The following RGS8 variants were observed in gnomAD, a reference collection of about 807,000 sequenced individuals.
The protein encoded by RGS8 is regulator of G protein signaling 8, also known as regulator of G-protein signaling 8.
Under a neutral mutation model 21.7 loss-of-function variants are expected in RGS8, and 8 were observed. The observed-to-expected ratio is 0.37, with a 90% confidence interval of 0.22 to 0.66. The LOEUF (loss-of-function observed/expected upper bound fraction) is 0.66. Among genes scored for constraint, RGS8 ranks in the 30% least tolerant of loss-of-function variants. The probability of loss-of-function intolerance (pLI) is 0.59; values close to 1 mark genes in which losing one functional copy is unlikely to be tolerated. For synonymous variants in RGS8, 80 were observed against 83.6 expected (o/e 0.96, Z 0.24); for missense variants, 157 against 217.9 (o/e 0.72, Z 1.76).
At chr1:182,714,368 C>G in the RGS8 span, 2 of 152,214 alleles carry the variant, frequency 1.3e-5, no homozygotes, top group East Asian at 3.9e-4. Context: ...CACTGTGGAC[C>G]CAAAGCCTGA....
At chr1:182,652,651 G>GT (rs1181791081) in intron 5 of RGS8, among the ~76,000 whole-genome samples, 41 of 152,268 alleles carry the variant, frequency 2.7e-4, no homozygotes, top group African/African-American at 9.9e-4. Flanking sequence ...AGATATAATC[G>GT]TGACTTCACA....
chr1:182,692,924 A>G, the RGS8 span, among the ~76,000 whole-genome samples: 320 of 152,338 alleles, frequency 2.1e-3, no homozygotes, highest in Non-Finnish European at 3.6e-3. Context: ...CTGACTAACC[A>G]TATACAGAAG....
upstream of RGS8, among the ~76,000 whole-genome samples, chr1:182,673,782 G>A (rs1167210730): frequency 2.0e-5 from 3 of 151,972 alleles, no homozygotes; most frequent in Non-Finnish European, 2.9e-5. Context: ...CTTGGTACAC[G>A]GCACCATAAG....
chr1:182,738,901 A>G, the RGS8 span, among the ~76,000 whole-genome samples: 1 of 152,212 alleles, frequency 6.6e-6, no homozygotes, highest in Non-Finnish European at 1.5e-5. Flanking sequence ...TTGCAGGGCA[A>G]GAGGATGAAG....
rs116160817 is a variant in RGS8, at chr1:182,650,206, G to A, written c.194-1903C>T. 1.8e-3 allele frequency among the ~76,000 whole-genome samples: 280 copies of A among 152,180 alleles called. 1 individual carries two copies. Among genetic ancestry groups the A allele is most frequent in the African/African-American group, 6.6e-3 (272 of 41,518 alleles). On this transcript the variant is annotated intron_variant, in intron 5 of 6. Coordinates refer to ENST00000483095, the Ensembl canonical transcript of RGS8. ...ATTACAGGCGTGAGCCACCACGCCC[G>A]GCCAACAACTCTTAATTCTAGGTGA... is the stretch of plus-strand genomic sequence containing the variant.
chr1:182,696,918 A>G, the RGS8 span, among the ~76,000 whole-genome samples: 2 of 152,170 alleles, frequency 1.3e-5, no homozygotes, highest in Non-Finnish European at 2.9e-5. Flanking sequence ...TGTGCCTGAC[A>G]TTGGGCTGTC....
chr1:182,671,805 G>A lies in RGS8; in HGVS notation c.-178+44C>T, dbSNP rs932553643. The A allele has an allele frequency of 1.2e-5, 19 of 1,604,404 alleles. No individual in the cohort carries two copies. The African/African-American group carries it at 2.4e-4, about 20-fold the overall frequency. ...AAGGGCATGTGTGCATGAACACATA[G>A]GGGCACACACACACATATACACACA... On this transcript the variant is annotated intron_variant, in intron 1 of 6. Transcript: ENST00000483095.
At chr1:182,648,221 G>A in exon 6 of RGS8, 1 of 1,613,772 alleles carries the variant, frequency 6.2e-7, no homozygotes, top group Non-Finnish European at 8.5e-7. Flanking sequence ...TGGTCTTCTT[G>A]AACTCCTCAC....
At chr1:182,747,203 C>A in the RGS8 span, among the ~76,000 whole-genome samples, 2 of 151,348 alleles carry the variant, frequency 1.3e-5, no homozygotes, top group African/African-American at 4.9e-5. Context: ...CCTGGCCCTG[C>A]ATCTTCTATC....
At chr1:182,662,688 A>G (rs1283032007) in intron 5 of RGS8, among the ~76,000 whole-genome samples, 3 of 152,172 alleles carry the variant, frequency 2.0e-5, no homozygotes, top group African/African-American at 7.2e-5. Flanking sequence ...TCAGGATTCT[A>G]TTTGGAATCT....
chr1:182,651,977 G>C (rs1016132234), intron 5 of RGS8, among the ~76,000 whole-genome samples: 1 of 152,200 alleles, frequency 6.6e-6, no homozygotes, highest in African/African-American at 2.4e-5. Flanking sequence ...AGGACCTGAG[G>C]GTCCGTAGGC....
the RGS8 span, among the ~76,000 whole-genome samples, chr1:182,709,995 T>G: frequency 6.6e-6 from 1 of 152,166 alleles, no homozygotes; most frequent in Admixed American, 6.5e-5. Context: ...CCAATCATTT[T>G]TCCATCCTTG....
chr1:182,700,006 A>G, the RGS8 span, among the ~76,000 whole-genome samples: 37 of 152,222 alleles, frequency 2.4e-4, no homozygotes, highest in African/African-American at 7.7e-4. Flanking sequence ...GGAGGGGCTC[A>G]CAGAACTCCT....
intron 6 of RGS8, among the ~76,000 whole-genome samples, chr1:182,647,161 C>G (rs1662741921): frequency 6.6e-6 from 1 of 152,220 alleles, no homozygotes; most frequent in Non-Finnish European, 1.5e-5. Flanking sequence ...GACTAAAAAG[C>G]TTGTTTAAAG....
chr1:182,741,182 G>T, the RGS8 span, among the ~76,000 whole-genome samples: 1 of 144,962 alleles, frequency 6.9e-6, no homozygotes, highest in Non-Finnish European at 1.5e-5. Flanking sequence ...CCGGGTGGGG[G>T]GCTGACCCCC....
chr1:182,688,021 C>A (rs370489504), upstream of RGS8, among the ~76,000 whole-genome samples: 1 of 152,274 alleles, frequency 6.6e-6, no homozygotes, highest in East Asian at 1.9e-4. Context: ...TTTTAAACTG[C>A]GTATGTCCTA....
chr1:182,683,726 C>T (rs73065304), intron 1 of RGS8, among the ~76,000 whole-genome samples: 6,850 of 151,962 alleles, frequency 0.045, 182 homozygotes, highest in African/African-American at 0.059. Context: ...AGGAGGCAAC[C>T]GTGCCCTCAA....
chr1:182,669,787 C>T (rs1664062428), intron 2 of RGS8, 35 bp from the exon 4 acceptor site: 3 of 1,524,924 alleles, frequency 2.0e-6, no homozygotes, highest in Middle Eastern at 1.8e-4. Context: ...GAGGGGCCAC[C>T]CTCTCTCATC....
upstream of RGS8, among the ~76,000 whole-genome samples, chr1:182,687,686 T>C (rs1664738789): frequency 6.6e-6 from 1 of 152,238 alleles, no homozygotes; most frequent in African/African-American, 2.4e-5. Context: ...AGGGACTCTC[T>C]TTCATCTTTG....
Sources: gnomAD v4.1 joint callset for allele counts (sites outside exome capture counted in the v4.1 genomes callset) on GRCh38, gnomAD v4.1.1 for gene constraint, MANE v1.5 for transcripts, NCBI Gene and HGNC (gene_info 2026-07-23, HGNC 2026-07-21) for gene names.